The following NLN variants were observed in gnomAD, a reference collection of about 807,000 sequenced individuals.
The protein encoded by NLN is neurolysin, mitochondrial.
In NLN, 64 loss-of-function variants were observed where a neutral mutation model predicts 79.9. The observed-to-expected ratio is 0.80, with a 90% CI of 0.65 to 0.99. NLN has a LOEUF of 0.99. Ranked by LOEUF, NLN falls within the 50% of genes least tolerant of loss-of-function variation. NLN has a pLI of 0.00. For synonymous variants in NLN, 267 were observed against 296.6 expected, an observed-to-expected ratio of 0.90 and a Z score of 1.02; for missense variants, 835 against 858.7, an observed-to-expected ratio of 0.97 and a Z score of 0.34.
chr5:65,757,783 A>G (rs1759253491), intron 1 of NLN, among the ~76,000 whole-genome samples: 1 of 152,132 alleles, frequency 6.6e-6, no homozygotes, highest in African/African-American at 2.4e-5. Context: ...CTTAAATTCA[A>G]ATTGTCATTC....
chr5:65,772,946 C>G (rs1579938803), intron 3 of NLN, among the ~76,000 whole-genome samples: 1 of 117,316 alleles, frequency 8.5e-6, no homozygotes, highest in African/African-American at 3.3e-5. Context: ...GTTCCTAATT[C>G]TTTTTTGTTT....
chr5:65,761,997 A>C (rs1759350172), intron 2 of NLN, among the ~76,000 whole-genome samples: 1 of 152,238 alleles, frequency 6.6e-6, no homozygotes, highest in African/African-American at 2.4e-5. Context: ...CCATCACTAT[A>C]AACCATACTT....
intron 4 of NLN, among the ~76,000 whole-genome samples, chr5:65,779,014 T>C (rs1426411494): frequency 1.3e-5 from 2 of 152,080 alleles, no homozygotes; most frequent in African/African-American, 4.8e-5. Flanking sequence ...GAGTTGCAGA[T>C]AGGATCAGGT....
At chr5:65,772,174 T>C (rs924305324) in intron 3 of NLN, among the ~76,000 whole-genome samples, 3 of 152,214 alleles carry the variant, frequency 2.0e-5, no homozygotes, top group African/African-American at 7.2e-5. Context: ...GGCATCCTTC[T>C]TTTGTGCCCC....
chr5:65,805,795 T>A (rs1416533054), intron 9 of NLN, among the ~76,000 whole-genome samples: 1 of 152,220 alleles, frequency 6.6e-6, no homozygotes, highest in Admixed American at 6.5e-5. Flanking sequence ...AGCCTTCTAT[T>A]GGTAGAAGAT....
chr5:65,775,313 TCTGTGTC>T (rs1294976747), intron 3 of NLN, among the ~76,000 whole-genome samples: 1 of 152,194 alleles, frequency 6.6e-6, no homozygotes, highest in Non-Finnish European at 1.5e-5. Flanking sequence ...TTGTCATGAG[TCTGTGTC>T]CTGAGCTCAT....
chr5:65,802,377 C>G (rs992465552), intron 9 of NLN, among the ~76,000 whole-genome samples: 12 of 152,198 alleles, frequency 7.9e-5, no homozygotes, highest in African/African-American at 2.9e-4. Flanking sequence ...CCAGGCGTAC[C>G]ACAAGCAGCT....
chr5:65,788,058 T>C (rs1464948100), intron 7 of NLN, 60 bp from the exon 8 acceptor site: 1 of 1,537,502 alleles, frequency 6.5e-7, no homozygotes, highest in African/African-American at 1.4e-5. Context: ...ACAGGTGGTA[T>C]TTATGAGTAT....
chr5:65,789,254 G>A (rs568148770), intron 8 of NLN, among the ~76,000 whole-genome samples: 41 of 152,258 alleles, frequency 2.7e-4, no homozygotes, highest in Non-Finnish European at 5.4e-4. Context: ...TACTAGGTAG[G>A]TTACTTAATT....
At chr5:65,749,087 CT>C (rs766483300) in intron 1 of NLN, among the ~76,000 whole-genome samples, 1 of 152,238 alleles carries the variant, frequency 6.6e-6, no homozygotes, top group Non-Finnish European at 1.5e-5. Context: ...GACTTTGCTC[CT>C]CCTTCTCCTT....
intron 1 of NLN, among the ~76,000 whole-genome samples, chr5:65,744,802 G>A (rs1758940261): frequency 6.6e-6 from 1 of 152,174 alleles, no homozygotes; most frequent in Non-Finnish European, 1.5e-5. Context: ...TTGAACCTGG[G>A]AGGTGGAGGT....
intron 11 of NLN, 41 bp downstream of exon 11, chr5:65,810,206 CA>C (rs1323172367): frequency 6.3e-7 from 1 of 1,586,784 alleles, no homozygotes; most frequent in Non-Finnish European, 8.6e-7. Context: ...CTCTGTGAAG[CA>C]CAGGGCGTTC....
chr5:65,738,745 G>A (rs996783136), intron 1 of NLN, among the ~76,000 whole-genome samples: 15 of 150,466 alleles, frequency 1.0e-4, no homozygotes, highest in African/African-American at 3.4e-4. Context: ...TCAGCTGCTA[G>A]TAACTACCTT....
At chr5:65,796,376 C>A (rs907100907) in intron 9 of NLN, among the ~76,000 whole-genome samples, 6 of 152,138 alleles carry the variant, frequency 3.9e-5, no homozygotes, top group African/African-American at 1.4e-4. Flanking sequence ...CTAGAAAGAT[C>A]TTTTCTTGGT....
At position 65,785,791 on chromosome 5, in the gene NLN, T is replaced by C. The variant is rs758675752; in HGVS notation, c.839T>C (p.Leu280Ser). 6.2e-7 allele frequency: 1 copy of C among 1,613,686 alleles called. No individual in the cohort carries two copies. Among genetic ancestry groups the C allele is most frequent in the South Asian group, 1.1e-5 (1 of 91,040 alleles). ...TATTACTAGGAAAACACCATAATTT[T>C]GCAGCAGCTACTCCCACTGCGAACC... ...TRCKEENTII[L>S]QQLLPLRTKV... The change falls in exon 7 of 13, where the codon TTG becomes TCG. Residue 280 changes from leucine to serine, a missense_variant. Coordinates refer to ENST00000380985, the MANE Select transcript of NLN (RefSeq NM_020726.5).
intron 12 of NLN, among the ~76,000 whole-genome samples, chr5:65,814,369 C>A (rs1328748751): frequency 1.3e-5 from 2 of 152,036 alleles, no homozygotes; most frequent in African/African-American, 2.4e-5. Context: ...GTGTGTTAGA[C>A]AAGTTTATGT....
chr5:65,754,297 G>A (rs1759170669), intron 1 of NLN, among the ~76,000 whole-genome samples: 1 of 152,054 alleles, frequency 6.6e-6, no homozygotes, highest in Non-Finnish European at 1.5e-5. Flanking sequence ...CATTCTCATA[G>A]GATGGCTGCC....
intron 3 of NLN, among the ~76,000 whole-genome samples, chr5:65,766,673 A>G (rs990760317): frequency 3.9e-5 from 6 of 152,194 alleles, no homozygotes; most frequent in Admixed American, 3.9e-4. Flanking sequence ...TCATTCCAGC[A>G]TTAACTCAAA....
At chr5:65,754,051 A>G (rs1030695297) in intron 1 of NLN, among the ~76,000 whole-genome samples, 4 of 152,128 alleles carry the variant, frequency 2.6e-5, no homozygotes, top group Admixed American at 6.6e-5. Flanking sequence ...GTTTCTCCCT[A>G]TACTTATTCC....
Sources: gnomAD v4.1 joint callset for allele counts (sites outside exome capture counted in the v4.1 genomes callset) on GRCh38, gnomAD v4.1.1 for gene constraint, MANE v1.5 for transcripts, NCBI Gene and HGNC (gene_info 2026-07-23, HGNC 2026-07-21) for gene names.